The following NPAS2 variants were observed in gnomAD, a reference collection of about 807,000 sequenced individuals.
NPAS2 encodes neuronal PAS domain-containing protein 2.
Under a neutral mutation model 107.5 loss-of-function variants are expected in NPAS2, and 23 were observed. The observed-to-expected ratio is 0.21, with a 90% CI of 0.15 to 0.30. NPAS2 has a LOEUF of 0.30. Among genes scored for constraint, NPAS2 ranks in the 10% least tolerant of loss-of-function variants. The pLI is 1.00. For missense variants in NPAS2, 756 were observed against 1,043.3 expected (o/e 0.72, Z 3.79); for synonymous variants, 403 against 417.5 (o/e 0.97, Z 0.42).
intron 4 of NPAS2, among the ~76,000 whole-genome samples, chr2:100,937,008 G>A (rs1485198619): frequency 6.8e-6 from 1 of 148,098 alleles, no homozygotes; most frequent in Non-Finnish European, 1.5e-5. Context: ...AAAACCATGA[G>A]CAAAAGTGTC....
At chr2:100,834,021 C>T (rs1252486334) in intron 1 of NPAS2, among the ~76,000 whole-genome samples, 5 of 152,140 alleles carry the variant, frequency 3.3e-5, no homozygotes, top group South Asian at 2.1e-4. Flanking sequence ...TCTGGTACAA[C>T]GTGGTGCACC....
intron 1 of NPAS2, among the ~76,000 whole-genome samples, chr2:100,875,603 C>T (rs1679912888): frequency 6.6e-6 from 1 of 152,170 alleles, no homozygotes; most frequent in Admixed American, 6.5e-5. Context: ...GGCTCCTGGA[C>T]GCGCAGCTTG....
chr2:100,866,604 G>T (rs545980500), intron 1 of NPAS2, among the ~76,000 whole-genome samples: 1 of 152,162 alleles, frequency 6.6e-6, no homozygotes, highest in African/African-American at 2.4e-5. Flanking sequence ...AAAATATTCA[G>T]AATTATTACA....
At chr2:100,893,466 A>T (rs1210305508) in intron 1 of NPAS2, among the ~76,000 whole-genome samples, 1 of 152,128 alleles carries the variant, frequency 6.6e-6, no homozygotes. Context: ...TTTCCAGCTA[A>T]CTTGGGACCT....
chr2:100,920,603 C>T (rs1001191222), intron 2 of NPAS2, among the ~76,000 whole-genome samples: 2 of 152,172 alleles, frequency 1.3e-5, no homozygotes, highest in East Asian at 1.9e-4. Context: ...GTAAAGCTGA[C>T]GTGCTCATCA....
At chr2:100,935,212 G>A (rs1289570046) in intron 4 of NPAS2, 1 of 385,056 alleles carries the variant, frequency 2.6e-6, no homozygotes, top group African/African-American at 2.2e-5. Flanking sequence ...CCTGTGGCCT[G>A]CGGAATAGGG....
chr2:100,852,112 T>C (rs957493345), intron 1 of NPAS2, among the ~76,000 whole-genome samples: 10 of 152,068 alleles, frequency 6.6e-5, no homozygotes, highest in African/African-American at 2.4e-4. Flanking sequence ...AATAAAAGTT[T>C]TTGGCCGGGC....
intron 3 of NPAS2, among the ~76,000 whole-genome samples, chr2:100,930,598 G>T (rs577945287): frequency 3.3e-5 from 5 of 150,632 alleles, no homozygotes; most frequent in Admixed American, 2.7e-4. Flanking sequence ...TTTTTTCCTC[G>T]ATTCGAGACA....
At chr2:100,879,847 G>A (rs1006604902) in intron 1 of NPAS2, among the ~76,000 whole-genome samples, 3 of 152,214 alleles carry the variant, frequency 2.0e-5, no homozygotes, top group Non-Finnish European at 2.9e-5. Flanking sequence ...GAGAGGCTCC[G>A]AATCAGTGGT....
At chr2:100,850,980 A>AAAT (rs55977491) in intron 1 of NPAS2, among the ~76,000 whole-genome samples, 1 of 148,840 alleles carries the variant, frequency 6.7e-6, no homozygotes. Context: ...AAAAAAAAAA[A>AAAT]GGAAGGACAT....
At chr2:100,983,166 G>T (rs1042456200) in intron 16 of NPAS2, 1 of 152,188 alleles carries the variant, frequency 6.6e-6, no homozygotes, top group Non-Finnish European at 1.5e-5. Flanking sequence ...CTAAGCATTT[G>T]GAGACCCTTA....
In NPAS2 at chr2:100,861,217, T is replaced by C. The variant is rs59313264; in HGVS notation, c.-23+40803T>C. Among the ~76,000 whole-genome samples, 501 of 152,270 alleles carry C rather than the reference T, an allele frequency of 3.3e-3. 2 individuals carry two copies. Among genetic ancestry groups the C allele is most frequent in the African/African-American group, 0.012 (483 of 41,544 alleles). On this transcript the variant is annotated intron_variant, in intron 1 of 20. Transcript: ENST00000335681. ...GAGGCACTGAAGGGTTCCGAGCTGC[T>C]CAGTGGCCTGATCTGATTGGCATTT... is the stretch of plus-strand genomic sequence containing the variant.
At chr2:100,873,295 TATATATATATATACACACAC>T (rs1342651684) in intron 1 of NPAS2, among the ~76,000 whole-genome samples, 20 of 44,006 alleles carry the variant, frequency 4.5e-4, no homozygotes, top group African/African-American at 1.0e-3. Flanking sequence ...TATATATATA[TATATATATATATACACACAC>T]ACACACACAC....
intron 1 of NPAS2, among the ~76,000 whole-genome samples, chr2:100,854,347 A>G (rs1446594623): frequency 1.3e-5 from 2 of 152,072 alleles, no homozygotes; most frequent in South Asian, 2.1e-4. Flanking sequence ...GAGAGCAACT[A>G]CTGGGAAGGA....
chr2:100,967,789 G>A (rs1676315289), intron 10 of NPAS2, among the ~76,000 whole-genome samples: 1 of 152,196 alleles, frequency 6.6e-6, no homozygotes, highest in Non-Finnish European at 1.5e-5. Flanking sequence ...CTGGGGTGGA[G>A]GCATCTGTCC....
rs118114782 is a variant in NPAS2, at chr2:100,942,619, G to A, written c.363+4777G>A. Reference sequence around the variant, plus strand: ...AATTGACCAAGTGAACATACATGCAGCTGTCACTGAGGTGAGCAAATAGAA... The same window carrying A: ...AATTGACCAAGTGAACATACATGCAACTGTCACTGAGGTGAGCAAATAGAA... On this transcript the variant is annotated intron_variant, in intron 5 of 20. Coordinates refer to ENST00000335681, the MANE Select transcript of NPAS2 (RefSeq NM_002518.4). Among the ~76,000 whole-genome samples the A allele has an allele frequency of 5.1e-3, 773 of 152,212 alleles. 12 individuals carry two copies. In the East Asian group the frequency reaches 0.051, roughly 10 times the overall value.
intron 2 of NPAS2, among the ~76,000 whole-genome samples, chr2:100,910,283 G>A (rs1166681638): frequency 6.6e-6 from 1 of 152,058 alleles, no homozygotes; most frequent in Non-Finnish European, 1.5e-5. Flanking sequence ...TGTTAACTAA[G>A]AGTCACTATG....
chr2:100,891,877 A>G (rs1030345508), intron 1 of NPAS2, among the ~76,000 whole-genome samples: 2 of 152,206 alleles, frequency 1.3e-5, no homozygotes, highest in African/African-American at 4.8e-5. Flanking sequence ...GAACAGTTCC[A>G]TGGAGGGAGA....
At chr2:100,959,399 T>C (rs1675792391) in intron 7 of NPAS2, among the ~76,000 whole-genome samples, 1 of 152,190 alleles carries the variant, frequency 6.6e-6, no homozygotes, top group African/African-American at 2.4e-5. Context: ...AAATATGCCC[T>C]GGGTAAGGTA....
Sources: gnomAD v4.1 joint callset for allele counts (sites outside exome capture counted in the v4.1 genomes callset) on GRCh38, gnomAD v4.1.1 for gene constraint, MANE v1.5 for transcripts, NCBI Gene and HGNC (gene_info 2026-07-23, HGNC 2026-07-21) for gene names.